Variants in PTPRK observed in about 807,000 individuals in gnomAD.
PTPRK encodes the protein protein tyrosine phosphatase receptor type K, also known as receptor-type tyrosine-protein phosphatase kappa.
In PTPRK, 75 loss-of-function variants were observed where a neutral mutation model predicts 178.0. The ratio of observed to expected loss-of-function variants is 0.42; its 90% CI spans 0.35 to 0.51. The LOEUF is 0.51. PTPRK is among the 20% of genes least tolerant of loss of function. PTPRK has a pLI of 0.02. For synonymous variants in PTPRK, 637 were observed against 620.6 expected (o/e 1.03, Z -0.39); for missense variants, 1,441 against 1,797.8 (o/e 0.80, Z 3.59).
intron 3 of PTPRK, chr6:128,321,788 T>C (rs1193095024): frequency 1.4e-6 from 1 of 705,234 alleles, no homozygotes; most frequent in Non-Finnish European, 2.6e-6. Context: ...ATACTTTCTC[T>C]AGTTTGAAGG....
intron 11 of PTPRK, among the ~76,000 whole-genome samples, chr6:128,076,305 G>A (rs1207537189): frequency 4.6e-5 from 7 of 151,982 alleles, no homozygotes; most frequent in African/African-American, 1.7e-4. Context: ...TAGGGAGACT[G>A]AAAGTAGGAA....
At chr6:128,297,619 A>G (rs1171321246) in intron 3 of PTPRK, among the ~76,000 whole-genome samples, 1 of 152,242 alleles carries the variant, frequency 6.6e-6, no homozygotes, top group Non-Finnish European at 1.5e-5. Flanking sequence ...CTGCTCCTGA[A>G]TGACTACTGG....
At chr6:128,356,588 C>T (rs1833997197) in intron 2 of PTPRK, among the ~76,000 whole-genome samples, 1 of 152,094 alleles carries the variant, frequency 6.6e-6, no homozygotes, top group Non-Finnish European at 1.5e-5. Context: ...CTCTGATGAC[C>T]CTCTTCAATT....
rs777993955 is a variant in PTPRK at position 128,247,508 on chromosome 6, G to A, written c.496-4906C>T. Among the ~76,000 whole-genome samples, 12 of 151,800 alleles carry A rather than the reference G, an allele frequency of 7.9e-5. No individual in the cohort carries two copies. The South Asian group carries it at 8.3e-4, about 11-fold the overall frequency. Reference sequence around the variant, plus strand: ...CTAATTTTTGTATTTTTGTAGAGACGGGGTTTTAACATGTTGGCTAGGCTG... The same window carrying A: ...CTAATTTTTGTATTTTTGTAGAGACAGGGTTTTAACATGTTGGCTAGGCTG... On this transcript the variant is annotated intron_variant, in intron 3 of 29. Transcript: ENST00000368226.
chr6:128,376,976 G>T (rs180851171), intron 2 of PTPRK, among the ~76,000 whole-genome samples: 3 of 152,142 alleles, frequency 2.0e-5, no homozygotes, highest in Non-Finnish European at 4.4e-5. Context: ...TTTGGTCAAA[G>T]CCAAATGTCA....
At chr6:128,195,045 T>C (rs1583428525) in intron 6 of PTPRK, among the ~76,000 whole-genome samples, 3 of 150,810 alleles carry the variant, frequency 2.0e-5, no homozygotes, top group East Asian at 3.9e-4. Context: ...CATACACATA[T>C]GTAAATATAT....
intron 2 of PTPRK, among the ~76,000 whole-genome samples, chr6:128,385,890 T>G (rs73589552): frequency 2.2e-4 from 34 of 152,320 alleles, no homozygotes; most frequent in African/African-American, 8.2e-4. Flanking sequence ...AAGCCAGAGT[T>G]TCTAGGATTG....
intron 5 of PTPRK, among the ~76,000 whole-genome samples, chr6:128,224,546 T>C (rs1478801844): frequency 6.6e-6 from 1 of 152,182 alleles, no homozygotes; most frequent in Non-Finnish European, 1.5e-5. Context: ...TTGTTACAAA[T>C]GAAGAGTCAA....
intron 2 of PTPRK, among the ~76,000 whole-genome samples, chr6:128,393,283 G>T (rs1455597758): frequency 6.6e-6 from 1 of 151,880 alleles, no homozygotes; most frequent in East Asian, 1.9e-4. Flanking sequence ...TAGAGACGGG[G>T]TTTCACCATG....
chr6:128,352,755 T>C (rs1833367364), intron 2 of PTPRK, among the ~76,000 whole-genome samples: 1 of 152,200 alleles, frequency 6.6e-6, no homozygotes, highest in Non-Finnish European at 1.5e-5. Flanking sequence ...CAGTATCCCC[T>C]AACAAAGCAC....
At chr6:128,111,579 T>C (rs1261469830) in intron 7 of PTPRK, among the ~76,000 whole-genome samples, 32 of 151,748 alleles carry the variant, frequency 2.1e-4, no homozygotes, top group Non-Finnish European at 3.1e-4. Context: ...GGAAATGTAG[T>C]TTTATGCTTA....
intron 18 of PTPRK, among the ~76,000 whole-genome samples, chr6:127,993,946 A>G (rs964184816): frequency 6.6e-6 from 1 of 151,720 alleles, no homozygotes; most frequent in African/African-American, 2.4e-5. Context: ...GCTCCAGTGT[A>G]CAAGTCCTGG....
At chr6:128,185,338 A>G (rs78453427) in intron 6 of PTPRK, among the ~76,000 whole-genome samples, 3,334 of 152,252 alleles carry the variant, frequency 0.022, 99 homozygotes, top group African/African-American at 0.046. Flanking sequence ...AAACTCAAAT[A>G]TCAAAGGCAC....
intron 3 of PTPRK, among the ~76,000 whole-genome samples, chr6:128,291,047 C>A (rs371887415): frequency 6.6e-6 from 1 of 151,994 alleles, no homozygotes; most frequent in Non-Finnish European, 1.5e-5. Context: ...TGTTACATGG[C>A]AAGGAGGAAT....
chr6:127,985,268 A>T (rs1298706444), intron 22 of PTPRK, among the ~76,000 whole-genome samples: 3 of 152,246 alleles, frequency 2.0e-5, no homozygotes, highest in South Asian at 4.1e-4. Flanking sequence ...TTTAAAAAAA[A>T]TTTTTAAATA....
At chr6:128,126,733 C>G (rs1292152718) in intron 7 of PTPRK, among the ~76,000 whole-genome samples, 2 of 152,174 alleles carry the variant, frequency 1.3e-5, no homozygotes, top group African/African-American at 4.8e-5. Flanking sequence ...AAGCAACGCT[C>G]CCATCTTGGC....
intron 21 of PTPRK, among the ~76,000 whole-genome samples, chr6:127,986,345 G>C (rs1010131030): frequency 5.9e-5 from 9 of 152,182 alleles, no homozygotes; most frequent in Non-Finnish European, 1.2e-4. Context: ...AGCATAGCAT[G>C]TAGGGATTTT....
intron 13 of PTPRK, among the ~76,000 whole-genome samples, chr6:128,038,125 T>C (rs1456814016): frequency 6.6e-6 from 1 of 152,186 alleles, no homozygotes; most frequent in African/African-American, 2.4e-5. Context: ...AAACTGAACT[T>C]AACTGGTAAT....
rs182079919 is a variant in PTPRK, at chr6:128,060,977, C to T, written c.2194+3781G>A. On this transcript the variant is annotated intron_variant, in intron 13 of 29. Coordinates refer to ENST00000368226, the MANE Select transcript of PTPRK (RefSeq NM_002844.4). ...CGTGAAAGCAGAAGCATCTACCTTA[C>T]GTTTTGTTCAAATTCAATTACCAAC... Among the ~76,000 whole-genome samples, 104 of 152,190 alleles carry T rather than the reference C, an allele frequency of 6.8e-4. No individual in the cohort carries two copies. The South Asian group carries it at 9.1e-3, about 13-fold the overall frequency.
Sources: gnomAD v4.1 joint callset for allele counts (sites outside exome capture counted in the v4.1 genomes callset) on GRCh38, gnomAD v4.1.1 for gene constraint, MANE v1.5 for transcripts, NCBI Gene and HGNC (gene_info 2026-07-23, HGNC 2026-07-21) for gene names.